RICTOR: variants seen among roughly 807,000 people sequenced by gnomAD.
RICTOR encodes RPTOR independent companion of MTOR complex 2, also known as rapamycin-insensitive companion of mTOR.
Under a neutral mutation model 214.9 loss-of-function variants are expected in RICTOR, and 49 were observed. The observed-to-expected ratio is 0.23, with a 90% CI of 0.18 to 0.29. The LOEUF is 0.29. RICTOR is among the 10% of genes least tolerant of loss of function. The pLI is 1.00. For synonymous variants in RICTOR, 717 were observed against 711.3 expected, an observed-to-expected ratio of 1.01 and a Z score of -0.13; for missense variants, 1,625 against 2,047.0, an observed-to-expected ratio of 0.79 and a Z score of 3.98.
At chr5:38,949,537 G>T (rs1748520825) in intron 31 of RICTOR, 175 bp downstream of exon 31, 4 of 1,102,694 alleles carry the variant, frequency 3.6e-6, no homozygotes, top group Non-Finnish European at 5.2e-6. Flanking sequence ...CCTCGCAGCT[G>T]CAAGAATCCA....
intron 33 of RICTOR, 23 bp from the exon 34 acceptor site, chr5:38,945,747 C>CTT: frequency 8.0e-7 from 1 of 1,250,026 alleles, no homozygotes; most frequent in South Asian, 1.3e-5. Flanking sequence ...AAATATAAAA[C>CTT]ATAATCCAAT....
In RICTOR at chr5:39,056,096, G is replaced by A. The variant is rs181344961; in HGVS notation, c.97+18015C>T. Among the ~76,000 whole-genome samples, 607 of 152,242 alleles carry A rather than the reference G, an allele frequency of 4.0e-3. 9 individuals are homozygous for A. The highest frequency in any genetic ancestry group is 0.036 in the Admixed American group (544 of 15,292). On this transcript the variant is annotated intron_variant, in intron 2 of 37. Transcript: ENST00000357387. Reference sequence around the variant, plus strand: ...ACATATTAGGTTTGATGTACTTGACGACATGGTTACGATGCTGAGTAAGCA... The same window carrying A: ...ACATATTAGGTTTGATGTACTTGACAACATGGTTACGATGCTGAGTAAGCA...
rs1393638187 is a variant in RICTOR at position 38,990,604 on chromosome 5, A to ATATC, written c.583+344_583+345insGATA. Among the ~76,000 whole-genome samples, 704 of 125,612 alleles carry ATATC rather than the reference A, an allele frequency of 5.6e-3. 107 individuals are homozygous for ATATC. Among genetic ancestry groups the ATATC allele is most frequent in the African/African-American group, 0.021 (678 of 32,150 alleles). 82.4% of individuals were successfully genotyped at this position (125,612 alleles called of 152,430 possible). On this transcript the variant is annotated intron_variant, in intron 7 of 37. Coordinates refer to ENST00000357387, the MANE Select transcript of RICTOR (RefSeq NM_152756.5). The stretch of plus-strand genomic sequence containing the variant: ...TATATACATGATATATACGATATAT[A>ATATC]TGATATATATACGATATATGATATA...
intron 3 of RICTOR, among the ~76,000 whole-genome samples, chr5:39,011,964 T>C (rs902300861): frequency 1.3e-5 from 2 of 152,016 alleles, no homozygotes; most frequent in South Asian, 2.1e-4. Flanking sequence ...AAAGGGCACA[T>C]TTGTGTTTTG....
intron 2 of RICTOR, among the ~76,000 whole-genome samples, chr5:39,038,874 G>T (rs1466376581): frequency 1.3e-5 from 2 of 152,030 alleles, no homozygotes; most frequent in Non-Finnish European, 2.9e-5. Context: ...TCAATATCGT[G>T]AAAATGGCCA....
chr5:39,070,539 G>C (rs1277205620), intron 2 of RICTOR, among the ~76,000 whole-genome samples: 1 of 152,034 alleles, frequency 6.6e-6, no homozygotes. Context: ...TGCTTTTCTA[G>C]GTATTAGACA....
intron 10 of RICTOR, among the ~76,000 whole-genome samples, chr5:38,974,824 G>A (rs1751075994): frequency 6.6e-6 from 1 of 152,138 alleles, no homozygotes; most frequent in South Asian, 2.1e-4. Context: ...GTATGGAAAA[G>A]GTATTTTTAA....
At chr5:38,972,751 A>G (rs569831314) in intron 10 of RICTOR, among the ~76,000 whole-genome samples, 12 of 152,172 alleles carry the variant, frequency 7.9e-5, no homozygotes, top group Non-Finnish European at 1.5e-5. Context: ...AATTCCATTT[A>G]GGTATTTACG....
chr5:39,037,331 A>T (rs1227165302), intron 2 of RICTOR, among the ~76,000 whole-genome samples: 1 of 152,098 alleles, frequency 6.6e-6, no homozygotes, highest in Non-Finnish European at 1.5e-5. Flanking sequence ...TGTAGAGGGA[A>T]ATTTATAGCA....
intron 2 of RICTOR, among the ~76,000 whole-genome samples, chr5:39,054,213 G>A (rs1758052591): frequency 6.6e-6 from 1 of 151,974 alleles, no homozygotes; most frequent in Non-Finnish European, 1.5e-5. Context: ...ATGAATAAAA[G>A]CTGTGAAATG....
chr5:39,020,218 T>C (rs1755303232), intron 3 of RICTOR, among the ~76,000 whole-genome samples: 1 of 152,134 alleles, frequency 6.6e-6, no homozygotes, highest in South Asian at 2.1e-4. Flanking sequence ...TAATTCAGAA[T>C]ATTACAGAAA....
intron 3 of RICTOR, among the ~76,000 whole-genome samples, chr5:39,003,893 T>G (rs1753829606): frequency 6.6e-6 from 1 of 152,176 alleles, no homozygotes; most frequent in Non-Finnish European, 1.5e-5. Context: ...AATTTACTGT[T>G]TTAAAAATGG....
chr5:39,073,793 A>T (rs1375596699), intron 2 of RICTOR, among the ~76,000 whole-genome samples: 2 of 152,164 alleles, frequency 1.3e-5, no homozygotes, highest in Non-Finnish European at 2.9e-5. Flanking sequence ...ACTCCGGGAT[A>T]GGTGCAAACC....
chr5:39,002,761 A>G, intron 4 of RICTOR, 95 bp from the exon 5 acceptor site: 2 of 1,234,686 alleles, frequency 1.6e-6, no homozygotes, highest in South Asian at 3.0e-5. Flanking sequence ...AAAATATGCA[A>G]AAATTCTAGT....
intron 2 of RICTOR, among the ~76,000 whole-genome samples, chr5:39,033,669 C>G (rs113089876): frequency 6.6e-6 from 1 of 151,950 alleles, no homozygotes; most frequent in Non-Finnish European, 1.5e-5. Flanking sequence ...AAAAGAGACA[C>G]CGGGGACTAG....
chr5:39,002,169 CAA>C (rs70982532), intron 5 of RICTOR, among the ~76,000 whole-genome samples: 7,779 of 122,408 alleles, frequency 0.064, 524 homozygotes, highest in African/African-American at 0.2. Context: ...TGTTACACAG[CAA>C]AAAAAAAAAA....
At chr5:38,991,373 T>C (rs1301617612) in intron 6 of RICTOR, among the ~76,000 whole-genome samples, 1 of 152,132 alleles carries the variant, frequency 6.6e-6, no homozygotes. Flanking sequence ...GCCTAAATCT[T>C]AAACAGTTTT....
intron 2 of RICTOR, among the ~76,000 whole-genome samples, chr5:39,039,579 C>A (rs903913374): frequency 6.6e-6 from 1 of 152,062 alleles, no homozygotes; most frequent in African/African-American, 2.4e-5. Context: ...TGACAAAGGG[C>A]TAATATCCAG....
intron 2 of RICTOR, among the ~76,000 whole-genome samples, chr5:39,023,312 T>A (rs369815279): frequency 6.6e-6 from 1 of 150,906 alleles, no homozygotes; most frequent in Non-Finnish European, 1.5e-5. Flanking sequence ...GAGAAAATCT[T>A]ACAAGTAACC....
Sources: gnomAD v4.1 joint callset for allele counts (sites outside exome capture counted in the v4.1 genomes callset) on GRCh38, gnomAD v4.1.1 for gene constraint, MANE v1.5 for transcripts, NCBI Gene and HGNC (gene_info 2026-07-23, HGNC 2026-07-21) for gene names.